Variants in ZNF99 observed in about 807,000 individuals in gnomAD.
ZNF99 encodes zinc finger protein ENSP00000375192.
A neutral mutation model predicts 12.8 loss-of-function variants in ZNF99; 8 were observed. The observed-to-expected ratio is 0.62, with a 90% CI of 0.37 to 1.13. ZNF99 has a LOEUF of 1.13. ZNF99 is among the 50% of genes most tolerant of loss of function. ZNF99 has a pLI of 0.02. For missense variants in ZNF99, 1,007 were observed against 1,006.2 expected, an observed-to-expected ratio of 1.00 and a Z score of -0.01; for synonymous variants, 318 against 319.0, an observed-to-expected ratio of 1.00 and a Z score of 0.03.
Position 22,756,592 on chromosome 19 carries a change from T to C in ZNF99, c.*722A>G. The C allele has an allele frequency of 6.3e-7, 1 of 1,599,894 alleles. No homozygotes were observed. Among genetic ancestry groups the C allele is most frequent in the East Asian group, 2.3e-5 (1 of 44,414 alleles). On this transcript the variant is annotated 3_prime_UTR_variant, in exon 4 of 4. Transcript: ENST00000596209. ...ATGTTTAGTAAGGTGTGAGGATTGC[T>C]TAAAAGCTTTGCCACATTCTTCACA...
chr19:22,769,446 ACG>A, intron 1 of ZNF99, 122 bp from the exon 2 acceptor site: 1 of 1,104,046 alleles, frequency 9.1e-7, no homozygotes, highest in Non-Finnish European at 1.3e-6. Context: ...GGATGACTGA[ACG>A]TATTCAGTAA....
In ZNF99 at chr19:22,756,720, A is replaced by G. The variant is rs528502137; in HGVS notation, c.*594T>C. On this transcript the variant is annotated 3_prime_UTR_variant, in exon 4 of 4. Coordinates refer to ENST00000596209, the MANE Select transcript of ZNF99 (RefSeq NM_001080409.3). ...CTTCACATTTGTACGGTTTCTCCCC[A>G]GTATGAATTATCTTATGTTTCATAA... 3 of 1,479,072 alleles carry G rather than the reference A, an allele frequency of 2.0e-6. No individual in the cohort carries two copies. Among genetic ancestry groups the G allele is most frequent in the Non-Finnish European group, 2.7e-6 (3 of 1,103,270 alleles). 91.6% of individuals were successfully genotyped at this position (1,479,072 alleles called of 1,614,324 possible).
At position 22,752,454 on chromosome 19, in the gene ZNF99, ATAAGTT is replaced by A. The variant is rs928324507; in HGVS notation, c.*4854_*4859del. 1 of 152,052 alleles carries A rather than the reference ATAAGTT, an allele frequency of 6.6e-6. No individual in the cohort carries two copies. The highest frequency in any genetic ancestry group is 2.4e-5 in the African/African-American group (1 of 41,424). 9.4% of individuals were successfully genotyped at this position (152,052 alleles called of 1,614,324 possible). On this transcript the variant is annotated 3_prime_UTR_variant, in exon 4 of 4. Coordinates refer to ENST00000596209, the MANE Select transcript of ZNF99 (RefSeq NM_001080409.3). Reference sequence around the variant, plus strand: ...TATGTACCCATAAAAGTTAAGAAAAATAAGTTTAAATTTGTCAAGGCAAAAAAAAAA... The same window carrying A: ...TATGTACCCATAAAAGTTAAGAAAAATAAATTTGTCAAGGCAAAAAAAAAA...
intron 3 of ZNF99, among the ~76,000 whole-genome samples, chr19:22,763,904 CTTTTTTTT>C (rs965211065): frequency 2.0e-5 from 2 of 101,686 alleles, no homozygotes; most frequent in Non-Finnish European, 3.6e-5. Flanking sequence ...TTTTTCTTTC[CTTTTTTTT>C]TTTTTTTTTT....
chr19:22,779,755 G>C (rs540435822), intron 1 of ZNF99, among the ~76,000 whole-genome samples: 1 of 151,854 alleles, frequency 6.6e-6, no homozygotes, highest in South Asian at 2.1e-4. Context: ...CCCTCCATTC[G>C]CCATCCCCTC....
chr19:22,776,459 A>C (rs1431236203), intron 1 of ZNF99, among the ~76,000 whole-genome samples: 1 of 105,308 alleles, frequency 9.5e-6, no homozygotes, highest in East Asian at 3.0e-4. Context: ...ATATATATAT[A>C]TATATGGCTA....
Position 22,762,573 on chromosome 19 carries a change from T to C in ZNF99, c.227-2891A>G, listed in dbSNP as rs140261329. On this transcript the variant is annotated intron_variant, in intron 3 of 3. Transcript: ENST00000596209. The stretch of plus-strand genomic sequence containing the variant: ...TACCAGACATTCAAAGAAGAATTGA[T>C]ACCAATTCTATTGACACTATTCCAT... Among the ~76,000 whole-genome samples, 11 of 152,236 alleles carry C rather than the reference T, an allele frequency of 7.2e-5. No individual in the cohort carries two copies. In the East Asian group the frequency reaches 2.1e-3, roughly 29 times the overall value.
At chr19:22,776,420 T>C (rs1488863861) in intron 1 of ZNF99, among the ~76,000 whole-genome samples, 3 of 14,700 alleles carry the variant, frequency 2.0e-4, no homozygotes, top group Non-Finnish European at 3.7e-4. Context: ...TATATATATA[T>C]ATATATATAT....
rs1173480208 is a variant in ZNF99 at position 22,752,979 on chromosome 19, C to G, written c.*4335G>C. ...CATTTTATATTTTAATATCCTTTCT[C>G]TTTTATGAAAAAGGTCATAAATAAT... On this transcript the variant is annotated 3_prime_UTR_variant, in exon 4 of 4. Transcript: ENST00000596209. The G allele has an allele frequency of 6.6e-6, 1 of 152,084 alleles. No individual in the cohort carries two copies. The highest frequency in any genetic ancestry group is 2.1e-4 in the South Asian group (1 of 4,828). 9.4% of individuals were successfully genotyped at this position (152,084 alleles called of 1,614,324 possible).
chr19:22,769,854 C>T (rs1838337540), intron 1 of ZNF99: 1 of 1,331,272 alleles, frequency 7.5e-7, no homozygotes. Flanking sequence ...TCCACAACAC[C>T]AGCACAGACA....
chr19:22,759,532 T>A lies in ZNF99; in HGVS notation c.377A>T (p.His126Leu). 6.2e-7 allele frequency: 1 copy of A among 1,611,374 alleles called. No homozygotes were observed. The highest frequency in any genetic ancestry group is 1.1e-5 in the South Asian group (1 of 90,054). Residue 126 changes from histidine to leucine, a missense_variant, in exon 4 of 4, where the codon CAC becomes CTC. His to Leu is a moderately conservative substitution (Grantham distance 99). Coordinates refer to ENST00000596209, the MANE Select transcript of ZNF99 (RefSeq NM_001080409.3). ...GTTAAGTTTATTATAAGCTTCTTCGTGCATCTTACCCTCATTGACACTTTC... is the reference window on the plus strand; with the variant it reads ...GTTAAGTTTATTATAAGCTTCTTCGAGCATCTTACCCTCATTGACACTTTC... Reference protein sequence around the residue: ...DCESVNEGKMHEEAYNKLNQC... With the variant: ...DCESVNEGKMLEEAYNKLNQC...
rs80310128 is a variant in ZNF99 at position 22,755,806 on chromosome 19, A to G, written c.*1508T>C. ...TTTGAAGGGTTTATCTTCAGTATGA[A>G]TTATCTTACATTCAGTAAGATTTGA... On this transcript the variant is annotated 3_prime_UTR_variant, in exon 4 of 4. Coordinates refer to ENST00000596209, the MANE Select transcript of ZNF99 (RefSeq NM_001080409.3). 0.029 allele frequency: 9,489 copies of G among 326,988 alleles called. 781 individuals are homozygous for G. Among genetic ancestry groups the G allele is most frequent in the African/African-American group, 0.19 (8,570 of 46,072 alleles). The allele number at this position is 326,988 out of a possible 1,614,324, so 20.3% of individuals were successfully genotyped here. A position where few individuals can be genotyped will look rare whatever the true frequency, so the allele number is the denominator to read the frequency against.
At chr19:22,770,849 A>G (rs1222868787) in intron 1 of ZNF99, 1 of 152,060 alleles carries the variant, frequency 6.6e-6, no homozygotes, top group African/African-American at 2.4e-5. Flanking sequence ...GACACAGATA[A>G]CTCCCATTTT....
Position 22,755,533 on chromosome 19 carries a change from GT to G in ZNF99, c.*1780del, listed in dbSNP as rs1973039130. 3.2e-6 allele frequency: 1 copy of G among 310,366 alleles called. No individual in the cohort carries two copies. Among genetic ancestry groups the G allele is most frequent in the Non-Finnish European group, 6.5e-6 (1 of 153,196 alleles). The allele number at this position is 310,366 out of a possible 1,614,324, so 19.2% of individuals were successfully genotyped here. A position where few individuals can be genotyped will look rare whatever the true frequency, so the allele number is the denominator to read the frequency against. ...AAGCTTTGCCACATTCTTCACATTT[GT>G]AAAGTATCTCTCCAGTATGAATTAT... On this transcript the variant is annotated 3_prime_UTR_variant, in exon 4 of 4. Coordinates refer to ENST00000596209, the MANE Select transcript of ZNF99 (RefSeq NM_001080409.3).
Position 22,756,282 on chromosome 19 carries a change from C to T in ZNF99, c.*1032G>A, listed in dbSNP as rs578153648. The T allele has an allele frequency of 1.2e-5, 19 of 1,568,550 alleles. No homozygotes were observed. In the South Asian group the frequency reaches 2.1e-4, roughly 18 times the overall value. Reference sequence around the variant, plus strand: ...TGGTTAAAAGCTTTGCCACATTCTTCACATTTGTAGGTTTTCCCTCCAGTA... The same window carrying T: ...TGGTTAAAAGCTTTGCCACATTCTTTACATTTGTAGGTTTTCCCTCCAGTA... On this transcript the variant is annotated 3_prime_UTR_variant, in exon 4 of 4. Coordinates refer to ENST00000596209, the MANE Select transcript of ZNF99 (RefSeq NM_001080409.3).
At chr19:22,768,650 A>C (rs1217843866) in intron 2 of ZNF99, among the ~76,000 whole-genome samples, 1 of 152,148 alleles carries the variant, frequency 6.6e-6, no homozygotes, top group African/African-American at 2.4e-5. Context: ...TATGCCACTA[A>C]ATTTCTTCAA....
chr19:22,774,994 C>T (rs191337767), intron 1 of ZNF99, among the ~76,000 whole-genome samples: 2 of 152,196 alleles, frequency 1.3e-5, no homozygotes, highest in Non-Finnish European at 2.9e-5. Flanking sequence ...TACCCAAAAA[C>T]GGAACAGATT....
At chr19:22,783,704 T>TC (rs1242986584) in intron 1 of ZNF99, among the ~76,000 whole-genome samples, 7 of 152,164 alleles carry the variant, frequency 4.6e-5, no homozygotes, top group Non-Finnish European at 1.0e-4. Context: ...GTCAGGATTC[T>TC]CCCCTGACGC....
chr19:22,756,301 T>C lies in ZNF99; in HGVS notation c.*1013A>G. On this transcript the variant is annotated 3_prime_UTR_variant, in exon 4 of 4. Transcript: ENST00000596209. ...ATTCTTCACATTTGTAGGTTTTCCC[T>C]CCAGTATGAATTGTTTTATGTTGAG... The C allele has an allele frequency of 6.4e-7, 1 of 1,567,724 alleles. No individual in the cohort carries two copies. The highest frequency in any genetic ancestry group is 8.7e-7 in the Non-Finnish European group (1 of 1,155,958).
Sources: allele counts gnomAD v4.1 joint callset (sites outside exome capture counted in the v4.1 genomes callset), GRCh38; gene constraint gnomAD v4.1.1; transcripts MANE v1.5; gene names NCBI Gene and HGNC (gene_info 2026-07-23, HGNC 2026-07-21).